POLR3A: variants seen among roughly 807,000 people sequenced by gnomAD.
POLR3A encodes the protein RNA polymerase III subunit A.
A neutral mutation model predicts 152.8 loss-of-function variants in POLR3A; 112 were observed. The ratio of observed to expected loss-of-function variants is 0.73; its 90% CI spans 0.63 to 0.86. The LOEUF is 0.86. Among genes scored for constraint, POLR3A ranks in the 40% least tolerant of loss-of-function variants. The pLI is 0.00. For missense variants in POLR3A, 1,385 were observed against 1,743.1 expected, an observed-to-expected ratio of 0.79 and a Z score of 3.66; for synonymous variants, 615 against 652.1, an observed-to-expected ratio of 0.94 and a Z score of 0.87.
Position 78,009,547 on chromosome 10 carries a change from G to T in POLR3A, c.1899C>A (p.Ala633=). The T allele has an allele frequency of 6.2e-7, 1 of 1,614,172 alleles. No homozygotes were observed. Among genetic ancestry groups the T allele is most frequent in the South Asian group, 1.1e-5 (1 of 91,086 alleles). The change falls in exon 14 of 31, where the codon GCC becomes GCA. Residue 633 remains alanine, a synonymous_variant. Transcript: ENST00000372371. The part of the protein sequence containing the change: ...QYCGKGEDLC[A]NDSYVTIQNS... ...GTTCCGTCCACTCACAGGAATCATT[G>T]GCACAGAGATCTTCCCCTTTGCCAC...
chr10:78,016,069 C>T (rs150940403), intron 10 of POLR3A, among the ~76,000 whole-genome samples: 137 of 152,246 alleles, frequency 9.0e-4, no homozygotes, highest in African/African-American at 3.2e-3. Flanking sequence ...GGATTAACAG[C>T]TTTACAGATA....
In POLR3A at chr10:77,992,566, C is replaced by G. The variant is rs143945792; in HGVS notation, c.2787+631G>C. Among the ~76,000 whole-genome samples, 612 of 151,712 alleles carry G rather than the reference C, an allele frequency of 4.0e-3. 5 individuals are homozygous for G. The highest frequency in any genetic ancestry group is 0.012 in the African/African-American group (492 of 41,322). ...CAAGTGATTCTCCTGCCTCAGCCTC[C>G]CAAGTAGCTGGGATTATAGGCACGT... On this transcript the variant is annotated intron_variant, in intron 20 of 30. Coordinates refer to ENST00000372371, the MANE Select transcript of POLR3A (RefSeq NM_007055.4).
In POLR3A at chr10:78,010,459, TCA is replaced by T. The variant is rs775858280; in HGVS notation, c.1642+10_1642+11del. The T allele has an allele frequency of 1.4e-5, 23 of 1,603,048 alleles. No homozygotes were observed. Among genetic ancestry groups the T allele is most frequent in the Non-Finnish European group, 1.9e-5 (22 of 1,170,016 alleles). ...TCAGAAATCTCCTTTCAAGTGAACT[TCA>T]CCAACCTACCTGTTAGAAAATCCTG... On this transcript the variant is annotated intron_variant, in intron 12 of 30. Coordinates refer to ENST00000372371, the MANE Select transcript of POLR3A (RefSeq NM_007055.4).
intron 5 of POLR3A, among the ~76,000 whole-genome samples, chr10:78,023,023 T>G (rs988724817): frequency 5.3e-5 from 8 of 152,012 alleles, no homozygotes; most frequent in African/African-American, 1.9e-4. Flanking sequence ...CTGGGCATGG[T>G]GGCACACGCC....
intron 16 of POLR3A, among the ~76,000 whole-genome samples, chr10:78,002,590 G>A (rs552835307): frequency 1.1e-4 from 16 of 152,074 alleles, no homozygotes; most frequent in South Asian, 2.1e-4. Context: ...GGTGTACAAT[G>A]GCATAATCAC....
intron 8 of POLR3A, among the ~76,000 whole-genome samples, chr10:78,020,491 T>C (rs1205768950): frequency 7.5e-6 from 1 of 134,110 alleles, no homozygotes; most frequent in Non-Finnish European, 1.6e-5. Flanking sequence ...GTCTGTCTCT[T>C]AAAAAAAAAA....
At chr10:78,004,659 C>A in intron 16 of POLR3A, 57 bp downstream of exon 16, 3 of 1,379,394 alleles carry the variant, frequency 2.2e-6, no homozygotes, top group Non-Finnish European at 3.1e-6. Context: ...CCAGAGAGCA[C>A]CACCGTAGCC....
intron 16 of POLR3A, among the ~76,000 whole-genome samples, chr10:78,004,246 C>A (rs1847388172): frequency 1.3e-5 from 2 of 151,976 alleles, no homozygotes; most frequent in Non-Finnish European, 2.9e-5. Context: ...AAGCGAGACT[C>A]CGTCTCAAAC....
chr10:78,003,896 T>G (rs569523994), intron 16 of POLR3A, among the ~76,000 whole-genome samples: 1 of 152,094 alleles, frequency 6.6e-6, no homozygotes, highest in Admixed American at 6.5e-5. Context: ...ACCACTGCAC[T>G]CCAGCCTGGG....
chr10:78,019,429 A>G, intron 8 of POLR3A, 164 bp from the exon 9 acceptor site: 1 of 629,110 alleles, frequency 1.6e-6, no homozygotes, highest in South Asian at 1.8e-5. Flanking sequence ...TGTGAACAAC[A>G]GACTGGCAAA....
intron 10 of POLR3A, among the ~76,000 whole-genome samples, chr10:78,016,213 C>T (rs1177836422): frequency 6.6e-6 from 1 of 152,104 alleles, no homozygotes; most frequent in African/African-American, 2.4e-5. Context: ...TGGAGGATTA[C>T]TGCAAAGAAA....
Position 78,021,953 on chromosome 10 carries a change from G to A in POLR3A, c.955C>T (p.Leu319Phe). 6.2e-7 allele frequency: 1 copy of A among 1,614,150 alleles called. No individual in the cohort carries two copies. The highest frequency in any genetic ancestry group is 8.5e-7 in the Non-Finnish European group (1 of 1,180,018). Residue 319 changes from leucine to phenylalanine, a missense_variant, in exon 7 of 31, where the codon CTC becomes TTC. Leu to Phe is a conservative substitution (Grantham distance 22). Transcript: ENST00000372371. ...DWDFLQLQCA[L>F]YINSELSGIP... ...CCCGAGAGCTCACTGTTAATGTAGA[G>A]GGCACACTGCAGCTGCAGGAAATCC...
intron 29 of POLR3A, 132 bp from the exon 30 acceptor site, chr10:77,980,405 G>A (rs1847129677): frequency 8.7e-6 from 7 of 804,214 alleles, no homozygotes; most frequent in Non-Finnish European, 1.3e-5. Flanking sequence ...AAGGCCCTGA[G>A]GAGCTATGGG....
intron 30 of POLR3A, among the ~76,000 whole-genome samples, chr10:77,979,727 T>C (rs2131925081): frequency 6.6e-6 from 1 of 152,292 alleles, no homozygotes; most frequent in South Asian, 2.1e-4. Flanking sequence ...TCAGCAGGCA[T>C]TGATGGCCAC....
chr10:77,981,302 T>G lies in POLR3A; in HGVS notation c.3891+126A>C, dbSNP rs942159846. 14 of 972,340 alleles carry G rather than the reference T, an allele frequency of 1.4e-5. No homozygotes were observed. In the Admixed American group the frequency reaches 1.7e-4, roughly 12 times the overall value. 60.2% of individuals were successfully genotyped at this position (972,340 alleles called of 1,614,324 possible). ...TTGGTTTTTGAGCAATGTTCACATC[T>G]TATTTTCTCTCTATGATGGTCCTCA... On this transcript the variant is annotated intron_variant, in intron 29 of 30. Transcript: ENST00000372371.
At chr10:78,014,289 A>G (rs1439721681) in intron 10 of POLR3A, among the ~76,000 whole-genome samples, 2 of 152,234 alleles carry the variant, frequency 1.3e-5, no homozygotes, top group African/African-American at 2.4e-5. Flanking sequence ...TATCAAAAAG[A>G]TTAACAGCAG....
intron 16 of POLR3A, 140 bp downstream of exon 16, chr10:78,004,576 C>T: frequency 1.4e-6 from 1 of 700,878 alleles, no homozygotes; most frequent in South Asian, 1.6e-5. Flanking sequence ...GAGCCCTGGG[C>T]CCCAACAGGA....
intron 19 of POLR3A, among the ~76,000 whole-genome samples, chr10:77,997,584 A>G (rs1227356321): frequency 6.6e-6 from 1 of 152,178 alleles, no homozygotes; most frequent in African/African-American, 2.4e-5. Flanking sequence ...AATACCTAGG[A>G]ATCCAACTTA....
rs544204280 is a variant in POLR3A, at chr10:78,009,679, A to AGG, written c.1771-6_1771-5dup. ...TTCCCGTCCACAGGGTGACAGGCTG[A>AGG]GGGGGGGAGGAAGCCTGAGAGTCAG... is the stretch of plus-strand genomic sequence containing the variant. On this transcript the variant is annotated splice_region_variant and splice_polypyrimidine_tract_variant and intron_variant, in intron 13 of 30. Coordinates refer to ENST00000372371, the MANE Select transcript of POLR3A (RefSeq NM_007055.4). The AGG allele has an allele frequency of 1.2e-6, 2 of 1,613,896 alleles. No homozygotes were observed. The highest frequency in any genetic ancestry group is 2.7e-5 in the African/African-American group (2 of 74,898).
Sources: gnomAD v4.1 joint callset for allele counts (sites outside exome capture counted in the v4.1 genomes callset) on GRCh38, gnomAD v4.1.1 for gene constraint, MANE v1.5 for transcripts, NCBI Gene and HGNC (gene_info 2026-07-23, HGNC 2026-07-21) for gene names.